The following SMOC1 variants were observed in gnomAD, a reference collection of about 807,000 sequenced individuals.
The protein encoded by SMOC1 is SPARC-related modular calcium-binding protein 1.
SMOC1 carries 22 observed loss-of-function variants against 56.3 expected under a neutral mutation model. The ratio of observed to expected loss-of-function variants is 0.39; its 90% confidence interval spans 0.28 to 0.56. The LOEUF (loss-of-function observed/expected upper bound fraction) is 0.56. SMOC1 is among the 20% of genes least tolerant of loss of function. SMOC1 has a pLI of 0.61. For synonymous variants in SMOC1, 193 were observed against 215.0 expected (o/e 0.90, Z 0.89); for missense variants, 509 against 565.4 (o/e 0.90, Z 1.01).
intron 1 of SMOC1, among the ~76,000 whole-genome samples, chr14:69,941,188 A>T (rs1882546527): frequency 6.6e-6 from 1 of 152,112 alleles, no homozygotes; most frequent in African/African-American, 2.4e-5. Context: ...GCAGCGACAA[A>T]GCCCACTGAT....
At chr14:69,910,860 T>C (rs939073217) in intron 1 of SMOC1, among the ~76,000 whole-genome samples, 1 of 152,174 alleles carries the variant, frequency 6.6e-6, no homozygotes, top group Admixed American at 6.5e-5. Flanking sequence ...AGGATAGCTG[T>C]TTGGAAGCCT....
intron 1 of SMOC1, among the ~76,000 whole-genome samples, chr14:69,905,506 G>C (rs1310375760): frequency 6.6e-6 from 1 of 152,196 alleles, no homozygotes; most frequent in East Asian, 1.9e-4. Flanking sequence ...AGAATTTTAA[G>C]CAGGAGAGTA....
Position 70,002,006 on chromosome 14 carries a change from GC to G in SMOC1, c.664+7527del, listed in dbSNP as rs1482365351. Among the ~76,000 whole-genome samples the G allele has an allele frequency of 3.3e-5, 5 of 152,296 alleles. No individual in the cohort carries two copies. In the East Asian group the frequency reaches 9.6e-4, roughly 29 times the overall value. ...GGAGGAGTGATAGGCACTTACTACT[GC>G]TTTTAGCCTTGCCAAGGAAGCCCTA... On this transcript the variant is annotated intron_variant, in intron 7 of 11. Transcript: ENST00000361956.
At chr14:69,979,522 T>C (rs116133616) in intron 5 of SMOC1, among the ~76,000 whole-genome samples, 34 of 152,246 alleles carry the variant, frequency 2.2e-4, no homozygotes, top group African/African-American at 7.9e-4. Flanking sequence ...AGACCTGAAA[T>C]CACCAATGCT....
intron 10 of SMOC1, among the ~76,000 whole-genome samples, chr14:70,022,785 T>G (rs373993372): frequency 3.9e-5 from 6 of 152,184 alleles, no homozygotes; most frequent in African/African-American, 1.4e-4. Flanking sequence ...TTCCCCACAG[T>G]CAGTCCACCA....
chr14:69,996,344 C>G (rs1235681771), intron 7 of SMOC1, among the ~76,000 whole-genome samples: 1 of 152,166 alleles, frequency 6.6e-6, no homozygotes, highest in African/African-American at 2.4e-5. Flanking sequence ...GTTCTTGTCT[C>G]CATCTTGCAG....
chr14:69,989,607 G>A (rs1198119847), intron 5 of SMOC1, among the ~76,000 whole-genome samples: 1 of 152,222 alleles, frequency 6.6e-6, no homozygotes, highest in Non-Finnish European at 1.5e-5. Context: ...AGAGGATATT[G>A]CTATCCAGAG....
Position 69,975,942 on chromosome 14 carries a change from G to T in SMOC1, c.478+128G>T, listed in dbSNP as rs1883934955. ...ATGAACCTTTTTCTAGATCAGGGAG[G>T]ATTCTACTCTAACATGCTTGCTCGG... On this transcript the variant is annotated intron_variant, in intron 4 of 11. Coordinates refer to ENST00000361956, the MANE Select transcript of SMOC1 (RefSeq NM_001034852.3). The T allele has an allele frequency of 9.9e-6, 7 of 706,762 alleles. No individual in the cohort carries two copies. The South Asian group carries it at 1.1e-4, about 11-fold the overall frequency. 43.8% of individuals were successfully genotyped at this position (706,762 alleles called of 1,614,324 possible).
intron 11 of SMOC1, among the ~76,000 whole-genome samples, chr14:70,027,063 G>A (rs1018808676): frequency 1.3e-5 from 2 of 152,146 alleles, no homozygotes; most frequent in African/African-American, 4.8e-5. Context: ...GAGGCAGAAA[G>A]GATTCCTGTG....
Position 69,905,973 on chromosome 14 carries a change from G to A in SMOC1, c.99+26196G>A, listed in dbSNP as rs77809193. On this transcript the variant is annotated intron_variant, in intron 1 of 11. Transcript: ENST00000361956. ...TAGACCAAGCAATCACCAATGTGTA[G>A]ATGGGAGTCGGTGTGGATAAAATTG... Among the ~76,000 whole-genome samples, 956 of 152,326 alleles carry A rather than the reference G, an allele frequency of 6.3e-3. 5 individuals carry two copies. Among genetic ancestry groups the A allele is most frequent in the African/African-American group, 0.019 (798 of 41,566 alleles).
chr14:69,895,843 T>TC (rs911290030), intron 1 of SMOC1, among the ~76,000 whole-genome samples: 2 of 149,682 alleles, frequency 1.3e-5, no homozygotes, highest in African/African-American at 4.9e-5. Context: ...TTGTACCTTT[T>TC]TTTTTCCTTC....
At chr14:69,942,828 G>C (rs1302771880) in intron 1 of SMOC1, among the ~76,000 whole-genome samples, 1 of 152,156 alleles carries the variant, frequency 6.6e-6, no homozygotes, top group Non-Finnish European at 1.5e-5. Context: ...TGTGTGGATT[G>C]GGAGCATGTA....
chr14:69,996,319 T>A (rs1174934420), intron 7 of SMOC1, among the ~76,000 whole-genome samples: 1 of 152,184 alleles, frequency 6.6e-6, no homozygotes, highest in East Asian at 1.9e-4. Flanking sequence ...CCCATAACCC[T>A]ATGAGATAGC....
At chr14:69,943,682 C>G (rs939620276) in intron 1 of SMOC1, among the ~76,000 whole-genome samples, 13 of 152,322 alleles carry the variant, frequency 8.5e-5, no homozygotes, top group East Asian at 5.8e-4. Context: ...GCTTTCCCCC[C>G]CCTTTCAATA....
intron 10 of SMOC1, among the ~76,000 whole-genome samples, chr14:70,019,540 A>C (rs1003962140): frequency 1.4e-4 from 21 of 152,204 alleles, no homozygotes; most frequent in Admixed American, 1.4e-3. Context: ...TGAATTCGGC[A>C]GTCCTGACCT....
At chr14:69,886,061 A>G (rs1414681619) in intron 1 of SMOC1, 1 of 1,582,592 alleles carries the variant, frequency 6.3e-7, no homozygotes, top group East Asian at 2.2e-5. Context: ...GGGATTCACC[A>G]CTTTCTTAGC....
intron 10 of SMOC1, among the ~76,000 whole-genome samples, chr14:70,016,952 G>A (rs114486775): frequency 1.3e-5 from 2 of 152,226 alleles, no homozygotes; most frequent in African/African-American, 4.8e-5. Flanking sequence ...TATTTTGCTG[G>A]CTTGTTGATA....
chr14:70,023,219 C>G lies in SMOC1; in HGVS notation c.1063C>G (p.Pro355Ala). 6.2e-7 allele frequency: 1 copy of G among 1,614,034 alleles called. No homozygotes were observed. The highest frequency in any genetic ancestry group is 8.5e-7 in the Non-Finnish European group (1 of 1,180,014). ...TGGGRFSEPD[P>A]SHTLEERVVH... ...ATGGCCCAGGTTCTCAGAGCCAGAC[C>G]CCAGCCACACCCTGGAGGAGCGGGT... The change falls in exon 11 of 12, where the codon CCC becomes GCC. Residue 355 changes from proline (P) to alanine (A), a missense_variant. Physicochemically the swap from Pro to Ala is conservative, Grantham distance 27 (BLOSUM62 -1). Transcript: ENST00000361956.
intron 1 of SMOC1, among the ~76,000 whole-genome samples, chr14:69,929,255 A>C (rs1885099284): frequency 6.6e-6 from 1 of 152,214 alleles, no homozygotes; most frequent in Non-Finnish European, 1.5e-5. Flanking sequence ...TGCCTCCCCC[A>C]AACAATTTCA....
Sources: gnomAD v4.1 joint callset for allele counts (sites outside exome capture counted in the v4.1 genomes callset) on GRCh38, gnomAD v4.1.1 for gene constraint, MANE v1.5 for transcripts, NCBI Gene and HGNC (gene_info 2026-07-23, HGNC 2026-07-21) for gene names.